GPC5: variants seen among roughly 807,000 people sequenced by gnomAD.
GPC5 encodes the protein glypican-5.
Under a neutral mutation model 53.9 loss-of-function variants are expected in GPC5, and 47 were observed. The observed-to-expected ratio is 0.87, with a 90% CI of 0.69 to 1.11. The LOEUF (loss-of-function observed/expected upper bound fraction) is 1.11. Ranked by LOEUF, GPC5 falls within the 50% of genes most tolerant of loss-of-function variation. The pLI is 0.00. For synonymous variants in GPC5, 286 were observed against 263.3 expected, an observed-to-expected ratio of 1.09 and a Z score of -0.84; for missense variants, 748 against 713.1, an observed-to-expected ratio of 1.05 and a Z score of -0.56.
intron 7 of GPC5, among the ~76,000 whole-genome samples, chr13:92,342,133 A>G (rs1000387099): frequency 2.0e-5 from 3 of 152,002 alleles, no homozygotes; most frequent in African/African-American, 7.2e-5. Context: ...ATCACTTCAA[A>G]TTGTTTGATT....
Position 92,342,651 on chromosome 13 carries a change from T to G in GPC5, c.1561+197662T>G, listed in dbSNP as rs34708656. Among the ~76,000 whole-genome samples, 1,517 of 152,162 alleles carry G rather than the reference T, an allele frequency of 1.0e-2. 25 individuals carry two copies. Among genetic ancestry groups the G allele is most frequent in the Middle Eastern group, 0.048 (14 of 294 alleles). ...TGAGAAATAAGTTTCTTTTTTAAAT[T>G]ACCAAATTTAAGGTATTTTGTTACA... On this transcript the variant is annotated intron_variant, in intron 7 of 7. Transcript: ENST00000377067.
chr13:91,830,637 T>A (rs1227005818), intron 5 of GPC5, among the ~76,000 whole-genome samples: 1 of 151,150 alleles, frequency 6.6e-6, no homozygotes, highest in African/African-American at 2.4e-5. Flanking sequence ...ACAATCCATG[T>A]TCTTCTGCCA....
intron 7 of GPC5, among the ~76,000 whole-genome samples, chr13:92,482,660 A>G (rs1879402587): frequency 1.3e-5 from 2 of 152,144 alleles, no homozygotes; most frequent in Admixed American, 1.3e-4. Flanking sequence ...CTCTACTTGT[A>G]ATTTATAACT....
chr13:92,029,810 T>A (rs1166290689), intron 6 of GPC5, among the ~76,000 whole-genome samples: 2 of 152,198 alleles, frequency 1.3e-5, no homozygotes, highest in African/African-American at 2.4e-5. Context: ...AACATCAGCT[T>A]GATGTTTCCA....
At chr13:91,854,488 C>A (rs1422803797) in intron 5 of GPC5, among the ~76,000 whole-genome samples, 2 of 151,616 alleles carry the variant, frequency 1.3e-5, no homozygotes, top group Admixed American at 6.6e-5. Flanking sequence ...AGGTCTTACT[C>A]ATTCTTTCTA....
intron 7 of GPC5, among the ~76,000 whole-genome samples, chr13:92,280,132 T>C (rs1037960662): frequency 1.3e-5 from 2 of 152,148 alleles, no homozygotes; most frequent in Non-Finnish European, 1.5e-5. Flanking sequence ...TGTGTATTTC[T>C]AGAAAATTTT....
At chr13:92,301,178 T>C (rs745324178) in intron 7 of GPC5, among the ~76,000 whole-genome samples, 1 of 152,218 alleles carries the variant, frequency 6.6e-6, no homozygotes, top group Non-Finnish European at 1.5e-5. Flanking sequence ...GGTTCTTTTA[T>C]AGATATCAAG....
intron 7 of GPC5, among the ~76,000 whole-genome samples, chr13:92,325,393 G>A (rs893006773): frequency 2.0e-5 from 3 of 152,008 alleles, no homozygotes; most frequent in Non-Finnish European, 2.9e-5. Flanking sequence ...GCTAAATGGA[G>A]GCAAAACATA....
intron 3 of GPC5, among the ~76,000 whole-genome samples, chr13:91,726,182 C>T (rs1243865842): frequency 6.6e-6 from 1 of 152,126 alleles, no homozygotes; most frequent in East Asian, 1.9e-4. Flanking sequence ...CCACCTTATC[C>T]TTATGCTTCT....
chr13:92,021,258 A>C (rs1555304988), intron 6 of GPC5, among the ~76,000 whole-genome samples: 1 of 152,222 alleles, frequency 6.6e-6, no homozygotes, highest in Non-Finnish European at 1.5e-5. Flanking sequence ...ACAGATAAAG[A>C]AAGTATGGTA....
chr13:92,074,584 G>C (rs2041238008), intron 6 of GPC5, among the ~76,000 whole-genome samples: 1 of 152,208 alleles, frequency 6.6e-6, no homozygotes, highest in South Asian at 2.1e-4. Context: ...ATGTCACACT[G>C]TGATAAAGAA....
At chr13:92,428,045 A>G (rs1876914441) in intron 7 of GPC5, among the ~76,000 whole-genome samples, 1 of 152,128 alleles carries the variant, frequency 6.6e-6, no homozygotes, top group African/African-American at 2.4e-5. Context: ...TTTGTCAGCA[A>G]AATGTTTTAT....
intron 3 of GPC5, among the ~76,000 whole-genome samples, chr13:91,694,599 T>C (rs2035839775): frequency 6.6e-6 from 1 of 152,212 alleles, no homozygotes; most frequent in Admixed American, 6.5e-5. Context: ...TTTCTAAATA[T>C]TCACTGGCTC....
intron 6 of GPC5, among the ~76,000 whole-genome samples, chr13:92,079,441 A>G (rs760444318): frequency 6.6e-5 from 10 of 152,210 alleles, no homozygotes; most frequent in Non-Finnish European, 1.3e-4. Context: ...CACTTAAATT[A>G]CAAATTGCTG....
At chr13:92,211,231 A>T (rs1046147812) in intron 7 of GPC5, among the ~76,000 whole-genome samples, 2 of 152,206 alleles carry the variant, frequency 1.3e-5, no homozygotes, top group African/African-American at 4.8e-5. Context: ...GAGGTATTAC[A>T]TTCTTGGTCC....
rs575367214 is a variant in GPC5, at chr13:92,727,071, C to T, written c.1562-139211C>T. 4.6e-5 allele frequency among the ~76,000 whole-genome samples: 7 copies of T among 151,488 alleles called. No homozygotes were observed. The South Asian group carries it at 1.5e-3, about 31-fold the overall frequency. On this transcript the variant is annotated intron_variant, in intron 7 of 7. Coordinates refer to ENST00000377067, the MANE Select transcript of GPC5 (RefSeq NM_004466.6). The stretch of plus-strand genomic sequence containing the variant: ...TTTTATCATAGCAGTAAACAAAAGG[C>T]ATGGGATATCTGTGTTTAAACCACC...
chr13:91,988,324 G>T (rs1296732986), intron 6 of GPC5, among the ~76,000 whole-genome samples: 1 of 152,124 alleles, frequency 6.6e-6, no homozygotes, highest in Non-Finnish European at 1.5e-5. Context: ...CACAGAGAGA[G>T]AATTCAGAAT....
intron 7 of GPC5, among the ~76,000 whole-genome samples, chr13:92,338,810 T>G (rs1160560167): frequency 7.9e-5 from 12 of 151,758 alleles, no homozygotes; most frequent in Non-Finnish European, 1.6e-4. Context: ...GCCCTAATTG[T>G]GGATACATGT....
chr13:92,678,932 A>G (rs1887031592), intron 7 of GPC5, among the ~76,000 whole-genome samples: 1 of 152,174 alleles, frequency 6.6e-6, no homozygotes, highest in African/African-American at 2.4e-5. Flanking sequence ...TGAATTTGAC[A>G]TGGGATGTGA....
Sources: gnomAD v4.1 joint callset for allele counts (sites outside exome capture counted in the v4.1 genomes callset) on GRCh38, gnomAD v4.1.1 for gene constraint, MANE v1.5 for transcripts, NCBI Gene and HGNC (gene_info 2026-07-23, HGNC 2026-07-21) for gene names.